ROBO1: variants seen among roughly 807,000 people sequenced by gnomAD.
ROBO1 encodes the protein roundabout guidance receptor 1, also known as roundabout homolog 1.
Under a neutral mutation model 195.9 loss-of-function variants are expected in ROBO1, and 149 were observed. That is an observed-to-expected ratio of 0.76 (90% CI 0.67 to 0.87). ROBO1 has a LOEUF of 0.87. Ranked by LOEUF, ROBO1 falls within the 40% of genes least tolerant of loss-of-function variation. The pLI is 0.00. For synonymous variants in ROBO1, 816 were observed against 733.2 expected (o/e 1.11, Z -1.82); for missense variants, 1,933 against 2,068.3 (o/e 0.93, Z 1.27).
At chr3:79,413,849 CTG>C (rs2037883958) in intron 2 of ROBO1, among the ~76,000 whole-genome samples, 1 of 152,016 alleles carries the variant, frequency 6.6e-6, no homozygotes, top group African/African-American at 2.4e-5. Context: ...AATCCATATA[CTG>C]TTTTTATGAA....
chr3:79,670,754 T>C (rs1946609464), intron 1 of ROBO1, among the ~76,000 whole-genome samples: 1 of 151,840 alleles, frequency 6.6e-6, no homozygotes, highest in African/African-American at 2.4e-5. Context: ...GAAACTCACG[T>C]ACAGCCACTT....
intron 1 of ROBO1, among the ~76,000 whole-genome samples, chr3:79,711,323 T>A (rs1259915211): frequency 6.6e-6 from 1 of 152,140 alleles, no homozygotes; most frequent in Non-Finnish European, 1.5e-5. Flanking sequence ...GCACATAAAC[T>A]AATGTATATA....
chr3:79,027,244 T>C (rs2078218893), intron 3 of ROBO1, among the ~76,000 whole-genome samples: 1 of 152,120 alleles, frequency 6.6e-6, no homozygotes, highest in South Asian at 2.1e-4. Context: ...CCTATTTAGA[T>C]GTTATTTTTG....
At chr3:79,286,902 A>T (rs2031920608) in intron 2 of ROBO1, among the ~76,000 whole-genome samples, 1 of 152,210 alleles carries the variant, frequency 6.6e-6, no homozygotes, top group Non-Finnish European at 1.5e-5. Flanking sequence ...AGATGGGTAT[A>T]AACCATTCTA....
intron 1 of ROBO1, among the ~76,000 whole-genome samples, chr3:79,648,083 G>A (rs1336270568): frequency 6.6e-6 from 1 of 152,030 alleles, no homozygotes; most frequent in South Asian, 2.1e-4. Flanking sequence ...TATGTTAGGT[G>A]AGAGCTTACA....
chr3:79,592,683 T>C (rs945562435), intron 1 of ROBO1, among the ~76,000 whole-genome samples: 8 of 151,996 alleles, frequency 5.3e-5, no homozygotes, highest in Admixed American at 3.3e-4. Context: ...CCTCTCCCAT[T>C]GGCAACCCCC....
chr3:79,345,173 A>G (rs563943187), intron 2 of ROBO1, among the ~76,000 whole-genome samples: 1 of 152,212 alleles, frequency 6.6e-6, no homozygotes, highest in African/African-American at 2.4e-5. Context: ...TATTCTTTCA[A>G]CTGGGTACAT....
At chr3:79,367,895 G>C (rs916776375) in intron 2 of ROBO1, among the ~76,000 whole-genome samples, 1 of 152,210 alleles carries the variant, frequency 6.6e-6, no homozygotes, top group Non-Finnish European at 1.5e-5. Context: ...TACACACAGA[G>C]AATGCTGAGT....
chr3:78,694,070 TA>T (rs2081234798), intron 8 of ROBO1, among the ~76,000 whole-genome samples: 1 of 152,164 alleles, frequency 6.6e-6, no homozygotes, highest in Non-Finnish European at 1.5e-5. Context: ...AAAAAGTGAA[TA>T]AATTACAAGA....
chr3:79,427,667 G>C (rs1187495003), intron 2 of ROBO1, among the ~76,000 whole-genome samples: 2 of 152,106 alleles, frequency 1.3e-5, no homozygotes, highest in East Asian at 3.9e-4. Context: ...TTTTGACAAA[G>C]GTGCCAAGAA....
chr3:79,413,601 T>C (rs1404189208), intron 2 of ROBO1, among the ~76,000 whole-genome samples: 1 of 152,156 alleles, frequency 6.6e-6, no homozygotes, highest in African/African-American at 2.4e-5. Context: ...TTGCAATTAT[T>C]ATGAGAAATC....
chr3:79,134,177 A>C (rs1398346977), intron 2 of ROBO1, among the ~76,000 whole-genome samples: 3 of 143,492 alleles, frequency 2.1e-5, no homozygotes, highest in Non-Finnish European at 3.0e-5. Context: ...CAATGAACTC[A>C]AACAAATTTA....
chr3:79,071,283 T>A (rs932663211), intron 3 of ROBO1, among the ~76,000 whole-genome samples: 1 of 151,918 alleles, frequency 6.6e-6, no homozygotes, highest in Non-Finnish European at 1.5e-5. Context: ...TTAAAACATA[T>A]GTATTTCATT....
At chr3:79,550,175 G>T (rs1320862143) in intron 2 of ROBO1, among the ~76,000 whole-genome samples, 1 of 91,748 alleles carries the variant, frequency 1.1e-5, no homozygotes, top group Non-Finnish European at 2.0e-5. Flanking sequence ...AAGGAAGAAA[G>T]AAAGAAAGAA....
intron 2 of ROBO1, among the ~76,000 whole-genome samples, chr3:79,209,203 A>T (rs1467821178): frequency 1.3e-5 from 2 of 152,098 alleles, no homozygotes; most frequent in African/African-American, 4.8e-5. Context: ...CAATATATCC[A>T]CATAGCTTAG....
chr3:79,015,591 C>G lies in ROBO1; in HGVS notation c.173-76664G>C, dbSNP rs139103021. Among the ~76,000 whole-genome samples the G allele has an allele frequency of 2.0e-5, 3 of 152,188 alleles. No individual in the cohort carries two copies. In the East Asian group the frequency reaches 5.8e-4, roughly 29 times the overall value. On this transcript the variant is annotated intron_variant, in intron 3 of 30. Transcript: ENST00000464233. ...TGGATTCGTTTCAAGGCTACCTCTC[C>G]TGCACCCTCCCACCCCGCAAACTCA...
chr3:79,573,430 G>T (rs1467123771), intron 2 of ROBO1, among the ~76,000 whole-genome samples: 2 of 152,084 alleles, frequency 1.3e-5, no homozygotes, highest in Non-Finnish European at 2.9e-5. Context: ...TGTATTATTT[G>T]TCACCAGAAA....
chr3:78,900,900 A>C (rs2037542738), intron 4 of ROBO1, among the ~76,000 whole-genome samples: 1 of 152,176 alleles, frequency 6.6e-6, no homozygotes, highest in East Asian at 1.9e-4. Context: ...AATTTGACAG[A>C]AGTTACAAAA....
chr3:78,681,497 A>T (rs921494729), intron 10 of ROBO1, among the ~76,000 whole-genome samples: 1 of 152,212 alleles, frequency 6.6e-6, no homozygotes, highest in Non-Finnish European at 1.5e-5. Context: ...ATAGGATGCA[A>T]TCTATGTTTA....
Sources: allele counts gnomAD v4.1 joint callset (sites outside exome capture counted in the v4.1 genomes callset), GRCh38; gene constraint gnomAD v4.1.1; transcripts MANE v1.5; gene names NCBI Gene and HGNC (gene_info 2026-07-23, HGNC 2026-07-21).